The following PYROXD1 variants were observed in gnomAD, a reference collection of about 807,000 sequenced individuals.
The protein encoded by PYROXD1 is pyridine nucleotide-disulphide oxidoreductase domain 1, also known as tRNA ligase complex-associated NAD(P)H dehydrogenase PYROXD1.
Under a neutral mutation model 62.0 loss-of-function variants are expected in PYROXD1, and 42 were observed. The ratio of observed to expected loss-of-function variants is 0.68; its 90% CI spans 0.53 to 0.88. PYROXD1 has a LOEUF of 0.88. Among genes scored for constraint, PYROXD1 ranks in the 40% least tolerant of loss-of-function variants. The pLI, the probability that PYROXD1 is intolerant of heterozygous loss-of-function variation, is 0.00. For synonymous variants in PYROXD1, 170 were observed against 206.4 expected (o/e 0.82, Z 1.51); for missense variants, 493 against 604.8 (o/e 0.82, Z 1.94).
rs192705240 is a variant in PYROXD1 at position 21,437,685 on chromosome 12, C to T, written c.-46C>T. The T allele has an allele frequency of 1.8e-5, 28 of 1,569,932 alleles. No individual in the cohort carries two copies. Among genetic ancestry groups the T allele is most frequent in the South Asian group, 1.5e-4 (13 of 86,170 alleles). ...CTTCCTCTCCTGGAGTCCAGAGTCC[C>T]GTTGCTCCGCCGCGATATTCAGTAA... is the stretch of plus-strand genomic sequence containing the variant. On this transcript the variant is annotated 5_prime_UTR_variant, in exon 1 of 12. Coordinates refer to ENST00000240651, the MANE Select transcript of PYROXD1 (RefSeq NM_024854.5).
chr12:21,451,046 C>G (rs1270809575), intron 4 of PYROXD1, among the ~76,000 whole-genome samples: 4 of 152,124 alleles, frequency 2.6e-5, no homozygotes, highest in African/African-American at 9.7e-5. Flanking sequence ...GAAGGACAAA[C>G]TGAAATAAAC....
Position 21,470,677 on chromosome 12 carries a change from A to C in PYROXD1, c.*1923A>C, listed in dbSNP as rs1942927168. 1 of 306,520 alleles carries C rather than the reference A, an allele frequency of 3.3e-6. No individual in the cohort carries two copies. The highest frequency in any genetic ancestry group is 5.9e-6 in the Non-Finnish European group (1 of 170,042). 19.0% of individuals were successfully genotyped at this position (306,520 alleles called of 1,614,324 possible). On this transcript the variant is annotated 3_prime_UTR_variant, in exon 12 of 12. Coordinates refer to ENST00000240651, the MANE Select transcript of PYROXD1 (RefSeq NM_024854.5). ...AGCAGAAACAGACTTCTCAACTATT[A>C]GTAATCACAACCAAATAAGAGCAGA...
chr12:21,467,753 T>A, intron 11 of PYROXD1, 135 bp downstream of exon 11: 1 of 657,098 alleles, frequency 1.5e-6, no homozygotes, highest in Non-Finnish European at 2.6e-6. Flanking sequence ...TTTCATTTCT[T>A]ACAAACCAAT....
At chr12:21,446,267 C>T (rs1942385395) in intron 3 of PYROXD1, among the ~76,000 whole-genome samples, 1 of 151,910 alleles carries the variant, frequency 6.6e-6, no homozygotes, top group South Asian at 2.1e-4. Flanking sequence ...ACTAAAAATA[C>T]AAAAAATTAG....
chr12:21,459,750 A>C (rs1324083638), intron 7 of PYROXD1, among the ~76,000 whole-genome samples: 1 of 152,182 alleles, frequency 6.6e-6, no homozygotes, highest in East Asian at 1.9e-4. Context: ...GTGTGTAGAA[A>C]ACACCCCACA....
intron 10 of PYROXD1, among the ~76,000 whole-genome samples, chr12:21,463,378 G>T (rs1322291235): frequency 6.6e-6 from 1 of 152,000 alleles, no homozygotes; most frequent in East Asian, 1.9e-4. Flanking sequence ...ATCCTATTCT[G>T]TCCCTGTGGT....
intron 3 of PYROXD1, chr12:21,448,280 G>T: frequency 2.7e-6 from 1 of 365,366 alleles, no homozygotes; most frequent in Non-Finnish European, 5.3e-6. Flanking sequence ...TTCCTAGTGA[G>T]GCGAGGACGC....
chr12:21,453,152 T>C (rs1942532373), intron 5 of PYROXD1, among the ~76,000 whole-genome samples: 1 of 152,146 alleles, frequency 6.6e-6, no homozygotes, highest in South Asian at 2.1e-4. Flanking sequence ...AGATTTTCTC[T>C]ATCAGCTCTC....
Position 21,455,252 on chromosome 12 carries a change from G to T in PYROXD1, c.609G>T (p.Glu203Asp), listed in dbSNP as rs1254843918. ...CAAAGCTCATTGCTGAAAAATCAGA[G>T]GCTAAAATTGCACATAAAAGAACCA... ...LTSKLIAEKS[E>D]AKIAHKRTRY... Residue 203 changes from glutamate (E) to aspartate (D), a missense_variant, in exon 6 of 12, where the codon GAG (glutamate) becomes GAT (aspartate). Around this residue, in one of 2 missense-constraint regions of PYROXD1, gnomAD observed 329 missense variants for 446.6 expected, o/e 0.74. Transcript: ENST00000240651. The T allele has an allele frequency of 6.4e-7, 1 of 1,571,078 alleles. No individual in the cohort carries two copies. Among genetic ancestry groups the T allele is most frequent in the Admixed American group, 1.9e-5 (1 of 53,462 alleles).
At chr12:21,449,523 A>T (rs1267139711) in intron 3 of PYROXD1, 40 bp from the exon 4 acceptor site, 1 of 1,581,832 alleles carries the variant, frequency 6.3e-7, no homozygotes, top group East Asian at 2.3e-5. Flanking sequence ...CATGTTGATT[A>T]TGTGTCTCCC....
At chr12:21,441,359 T>C (rs2137239828) in intron 2 of PYROXD1, 1 of 152,332 alleles carries the variant, frequency 6.6e-6, no homozygotes, top group South Asian at 2.1e-4. Flanking sequence ...TAAATACATG[T>C]TCTACTCCTT....
rs373585097 is a variant in PYROXD1 at position 21,469,410 on chromosome 12, G to A, written c.*656G>A. 6.8e-4 allele frequency: 103 copies of A among 151,460 alleles called. No individual in the cohort carries two copies. The highest frequency in any genetic ancestry group is 2.4e-3 in the African/African-American group (99 of 41,264). The allele number at this position is 151,460 out of a possible 1,614,324, so 9.4% of individuals were successfully genotyped here. On this transcript the variant is annotated 3_prime_UTR_variant, in exon 12 of 12. Transcript: ENST00000240651. ...TTTAAGCTCATCAGCTATCGTCAGT[G>A]TTAGCATATTTTATGTGCGGCCCAA...
At chr12:21,466,562 G>C (rs1376865393) in intron 10 of PYROXD1, among the ~76,000 whole-genome samples, 1 of 152,156 alleles carries the variant, frequency 6.6e-6, no homozygotes, top group Non-Finnish European at 1.5e-5. Context: ...AAGATTTTGG[G>C]CTGAGCTGAT....
rs778692449 is a variant in PYROXD1 at position 21,467,489 on chromosome 12, G to C, written c.1125G>C (p.Leu375=). Residue 375 remains leucine, a synonymous_variant, in exon 11 of 12, where the codon CTG becomes CTC. Coordinates refer to ENST00000240651, the MANE Select transcript of PYROXD1 (RefSeq NM_024854.5). ...TTTTTTCATCATTTCAGATGAGGCTGTGGACCCAGGCTAGACAGATGGGAT... is the reference window on the plus strand; with the variant it reads ...TTTTTTCATCATTTCAGATGAGGCTCTGGACCCAGGCTAGACAGATGGGAT... ...QLSPVWQQMR[L]WTQARQMGWY... The C allele has an allele frequency of 4.4e-6, 7 of 1,601,588 alleles. No homozygotes were observed. The highest frequency in any genetic ancestry group is 4.3e-6 in the Non-Finnish European group (5 of 1,175,628).
chr12:21,466,903 C>G (rs1417114863), intron 10 of PYROXD1, among the ~76,000 whole-genome samples: 2 of 151,700 alleles, frequency 1.3e-5, no homozygotes, highest in Non-Finnish European at 2.9e-5. Context: ...TTCTTTTATA[C>G]CAGGGAGTCT....
chr12:21,466,747 C>T (rs566440695), intron 10 of PYROXD1, among the ~76,000 whole-genome samples: 3 of 152,094 alleles, frequency 2.0e-5, no homozygotes, highest in African/African-American at 7.2e-5. Flanking sequence ...TGCCAGTTTT[C>T]AAAGGGAATG....
At chr12:21,455,462 T>G (rs932481659) in intron 6 of PYROXD1, among the ~76,000 whole-genome samples, 170 bp downstream of exon 6, 3 of 148,368 alleles carry the variant, frequency 2.0e-5, no homozygotes, top group Non-Finnish European at 3.0e-5. Context: ...TGTATGTATT[T>G]TATATATATA....
intron 5 of PYROXD1, among the ~76,000 whole-genome samples, chr12:21,453,731 A>G (rs1942545195): frequency 6.6e-6 from 1 of 152,064 alleles, no homozygotes; most frequent in African/African-American, 2.4e-5. Flanking sequence ...TAGAGCAAGT[A>G]CTGAAGTTTC....
intron 9 of PYROXD1, 108 bp from the exon 10 acceptor site, chr12:21,462,632 A>G: frequency 7.9e-7 from 1 of 1,259,960 alleles, no homozygotes; most frequent in East Asian, 2.3e-5. Flanking sequence ...TTTTCTCATT[A>G]AAGATGAGCA....
Sources: allele counts gnomAD v4.1 joint callset (sites outside exome capture counted in the v4.1 genomes callset), GRCh38; gene constraint gnomAD v4.1.1; regional missense constraint gnomAD v4.1.1; transcripts MANE v1.5; gene names NCBI Gene and HGNC (gene_info 2026-07-23, HGNC 2026-07-21).